ARG2: variants seen among roughly 807,000 people sequenced by gnomAD.
ARG2 encodes arginase 2.
Under a neutral mutation model 39.4 loss-of-function variants are expected in ARG2, and 21 were observed. That is an observed-to-expected ratio of 0.53 (90% confidence interval 0.38 to 0.77). The LOEUF (loss-of-function observed/expected upper bound fraction) is 0.77. ARG2 is among the 30% of genes least tolerant of loss of function. ARG2 has a pLI of 0.00. For missense variants in ARG2, 378 were observed against 426.2 expected, an observed-to-expected ratio of 0.89 and a Z score of 1.00; for synonymous variants, 150 against 156.7, an observed-to-expected ratio of 0.96 and a Z score of 0.32.
chr14:67,644,788 C>T (rs1173526491), intron 3 of ARG2, among the ~76,000 whole-genome samples: 1 of 151,972 alleles, frequency 6.6e-6, no homozygotes, highest in Non-Finnish European at 1.5e-5. Flanking sequence ...CACTTGAGGT[C>T]GAGTTCAAGA....
intron 1 of ARG2, 25 bp downstream of exon 1, chr14:67,620,113 C>T (rs1490148633): frequency 1.3e-6 from 2 of 1,522,918 alleles, no homozygotes; most frequent in African/African-American, 2.8e-5. Context: ...CTGGAACCGC[C>T]GGGCAGGATC....
intron 3 of ARG2, among the ~76,000 whole-genome samples, chr14:67,643,284 G>A (rs896395085): frequency 6.6e-6 from 1 of 152,088 alleles, no homozygotes; most frequent in Non-Finnish European, 1.5e-5. Context: ...AAATATACAT[G>A]GAATAAACAA....
Position 67,646,682 on chromosome 14 carries a change from T to C in ARG2, c.561T>C (p.Cys187=), listed in dbSNP as rs1198293257. 3 of 1,613,814 alleles carry C rather than the reference T, an allele frequency of 1.9e-6. No individual in the cohort carries two copies. In the South Asian group the frequency reaches 3.3e-5, roughly 18 times the overall value. The change falls in exon 5 of 8, where the codon TGT becomes TGC. Residue 187 remains cysteine, a synonymous_variant. Transcript: ENST00000261783. The part of the protein sequence containing the change: ...QLPGFSWIKP[C]ISSASIVYIG... ...CAGGATTTTCCTGGATCAAACCTTG[T>C]ATCTCTTCTGCAAGTATTGTGTATA...
intron 1 of ARG2, among the ~76,000 whole-genome samples, chr14:67,620,289 G>C (rs1013398665): frequency 4.0e-5 from 6 of 151,032 alleles, no homozygotes; most frequent in Non-Finnish European, 8.9e-5. Context: ...GGGAGGGAGG[G>C]AGGGGTGGAG....
intron 2 of ARG2, among the ~76,000 whole-genome samples, chr14:67,632,376 C>T (rs2036926978): frequency 6.6e-6 from 1 of 152,206 alleles, no homozygotes; most frequent in Admixed American, 6.5e-5. Context: ...ATGTTTTTTA[C>T]ACCACCTCCA....
intron 2 of ARG2, among the ~76,000 whole-genome samples, chr14:67,636,416 A>G (rs1363645462): frequency 6.6e-6 from 1 of 152,262 alleles, no homozygotes; most frequent in Non-Finnish European, 1.5e-5. Flanking sequence ...TAGTGACACC[A>G]GCAGAGGATG....
At chr14:67,626,305 T>A (rs1430823553) in intron 2 of ARG2, among the ~76,000 whole-genome samples, 1 of 151,716 alleles carries the variant, frequency 6.6e-6, no homozygotes, top group African/African-American at 2.4e-5. Flanking sequence ...TCACACCCAC[T>A]AGGATGGCTA....
At chr14:67,623,605 G>A (rs551810943) in intron 2 of ARG2, among the ~76,000 whole-genome samples, 48 of 132,970 alleles carry the variant, frequency 3.6e-4, no homozygotes, top group African/African-American at 1.4e-3. Flanking sequence ...ACAGTGATGC[G>A]ATCTTGGCTC....
At position 67,650,977 on chromosome 14, in the gene ARG2, A is replaced by T. The variant is rs2037167858; in HGVS notation, c.*57A>T. On this transcript the variant is annotated 3_prime_UTR_variant, in exon 8 of 8. Coordinates refer to ENST00000261783, the MANE Select transcript of ARG2 (RefSeq NM_001172.4). ...GGCATTCCAGAATTATGAGGCATTG[A>T]GGGGATAGATGAATACTAAATGGTT... 2.6e-6 allele frequency: 4 copies of T among 1,525,222 alleles called. 1 individual carries two copies. The South Asian group carries it at 4.6e-5, about 17-fold the overall frequency. The allele number at this position is 1,525,222 out of a possible 1,614,324, so 94.5% of individuals were successfully genotyped here.
At chr14:67,625,896 C>T (rs992391467) in intron 2 of ARG2, among the ~76,000 whole-genome samples, 4 of 152,004 alleles carry the variant, frequency 2.6e-5, no homozygotes, top group African/African-American at 9.7e-5. Context: ...TTTAATTAGC[C>T]ACTTCTCCAA....
intron 2 of ARG2, among the ~76,000 whole-genome samples, chr14:67,627,256 G>T (rs1376281857): frequency 8.2e-5 from 11 of 133,746 alleles, no homozygotes; most frequent in East Asian, 4.3e-4. Flanking sequence ...TCAGTAAGGA[G>T]ATATATATAT....
chr14:67,650,850 T>TTGTCTATGACCAACTTCC lies in ARG2; in HGVS notation c.997_1014dup (p.Val333_Pro338dup). ...GGTCAGACAAGAGAAGGAGGGCATA[T>TTGTCTATGACCAACTTCC]TGTCTATGACCAACTTCCTACTCCC... On this transcript the variant is annotated inframe_insertion, in exon 8 of 8. Coordinates refer to ENST00000261783, the MANE Select transcript of ARG2 (RefSeq NM_001172.4). The TTGTCTATGACCAACTTCC allele has an allele frequency of 6.2e-7, 1 of 1,614,200 alleles. No individual in the cohort carries two copies. Among genetic ancestry groups the TTGTCTATGACCAACTTCC allele is most frequent in the Non-Finnish European group, 8.5e-7 (1 of 1,180,024 alleles).
intron 3 of ARG2, among the ~76,000 whole-genome samples, chr14:67,644,355 A>G (rs561685116): frequency 6.6e-6 from 1 of 152,322 alleles, no homozygotes; most frequent in East Asian, 1.9e-4. Flanking sequence ...CTGAAATCTA[A>G]AGAAATTAGA....
chr14:67,631,373 C>G (rs556791148), intron 2 of ARG2, among the ~76,000 whole-genome samples: 1 of 151,878 alleles, frequency 6.6e-6, no homozygotes, highest in Non-Finnish European at 1.5e-5. Flanking sequence ...TTATTGAAAC[C>G]AACACTATTC....
rs937125704 is a variant in ARG2 at position 67,632,869 on chromosome 14, G to A, written c.185-9317G>A. ...AGAGTCTCGCTCTATCGCTCAGGCT[G>A]GAGTGCAGTGGCGTGATCTCGGCTC... On this transcript the variant is annotated intron_variant, in intron 2 of 7. Coordinates refer to ENST00000261783, the MANE Select transcript of ARG2 (RefSeq NM_001172.4). 3.8e-4 allele frequency among the ~76,000 whole-genome samples: 49 copies of A among 129,920 alleles called. 1 individual carries two copies. 85.2% of individuals were successfully genotyped at this position (129,920 alleles called of 152,430 possible). A position where few individuals can be genotyped will look rare whatever the true frequency, so the allele number is the denominator to read the frequency against.
At chr14:67,635,188 G>A (rs2036959227) in intron 2 of ARG2, among the ~76,000 whole-genome samples, 1 of 152,192 alleles carries the variant, frequency 6.6e-6, no homozygotes, top group African/African-American at 2.4e-5. Flanking sequence ...AGGCTGCAGT[G>A]AGCCATGTTT....
Position 67,642,343 on chromosome 14 carries a change from C to T in ARG2, c.342C>T (p.Val114=). 6.2e-7 allele frequency: 1 copy of T among 1,613,914 alleles called. No individual in the cohort carries two copies. The highest frequency in any genetic ancestry group is 1.7e-5 in the Admixed American group (1 of 59,998). Residue 114 remains valine, a synonymous_variant, in exon 3 of 8, where the codon GTC becomes GTT. Coordinates refer to ENST00000261783, the MANE Select transcript of ARG2 (RefSeq NM_001172.4). ...CTGTGTCAGATGGCTACAGCTGTGT[C>T]ACACTGGGAGGAGACCACAGGTAAG... The part of the protein sequence containing the change: ...SRAVSDGYSC[V]TLGGDHSLAI...
At chr14:67,633,605 C>T (rs1237189727) in intron 2 of ARG2, among the ~76,000 whole-genome samples, 1 of 152,166 alleles carries the variant, frequency 6.6e-6, no homozygotes, top group African/African-American at 2.4e-5. Flanking sequence ...TGGCACTCTG[C>T]TTCTCCAGAC....
chr14:67,650,367 G>C (rs118014660), intron 7 of ARG2: 4,644 of 300,992 alleles, frequency 0.015, 68 homozygotes, highest in Non-Finnish European at 0.022. Context: ...CATACTGGAG[G>C]TGGCATACAT....
Sources: gnomAD v4.1 joint callset for allele counts (sites outside exome capture counted in the v4.1 genomes callset) on GRCh38, gnomAD v4.1.1 for gene constraint, MANE v1.5 for transcripts, NCBI Gene and HGNC (gene_info 2026-07-23, HGNC 2026-07-21) for gene names.